The following CDKL5 variants were observed in gnomAD, a reference collection of about 807,000 sequenced individuals.
The protein encoded by CDKL5 is cyclin-dependent kinase-like 5.
A neutral mutation model predicts 61.7 loss-of-function variants in CDKL5; 8 were observed. That is an observed-to-expected ratio of 0.13 (90% CI 0.08 to 0.23). The LOEUF (loss-of-function observed/expected upper bound fraction) is 0.23. Ranked by LOEUF, CDKL5 falls within the 10% of genes least tolerant of loss-of-function variation. The pLI, the probability that CDKL5 is intolerant of heterozygous loss-of-function variation, is 1.00. For missense variants in CDKL5, 440 were observed against 734.5 expected, an observed-to-expected ratio of 0.60 and a Z score of 4.63; for synonymous variants, 275 against 272.3, an observed-to-expected ratio of 1.01 and a Z score of -0.10.
chrX:18,616,954 G>A (rs956726388), intron 15 of CDKL5, among the ~76,000 whole-genome samples: 42 of 110,498 alleles, frequency 3.8e-4, no homozygotes, highest in African/African-American at 1.1e-3. Flanking sequence ...ATGCTCCCCC[G>A]CCCCATTCCC....
At chrX:18,650,576 C>T (rs1423203693) in exon 21 of CDKL5, 1 of 1,210,768 alleles carries the variant, frequency 8.3e-7, no homozygotes, top group Admixed American at 2.2e-5. Flanking sequence ...CTTTCAGCTG[C>T]CCAACCCAGC....
chrX:18,597,940 A>T (rs1936002638), intron 10 of CDKL5, among the ~76,000 whole-genome samples: 1 of 110,882 alleles, frequency 9.0e-6, no homozygotes, highest in African/African-American at 3.3e-5. Flanking sequence ...AAGAAAGCTA[A>T]ATTCAGGCAA....
chrX:18,475,914 A>G (rs951063333), intron 1 of CDKL5, among the ~76,000 whole-genome samples: 1 of 112,369 alleles, frequency 8.9e-6, no homozygotes, highest in Non-Finnish European at 1.9e-5. Context: ...TGTTCTTACA[A>G]TGTATTTCCA....
At chrX:18,518,725 G>A (rs1429924199) in intron 3 of CDKL5, among the ~76,000 whole-genome samples, 1 of 109,923 alleles carries the variant, frequency 9.1e-6, no homozygotes, top group African/African-American at 3.3e-5. Context: ...CTGTTGTCAG[G>A]AAGTTTAACA....
At chrX:18,611,232 C>T (rs1051584144) in intron 14 of CDKL5, among the ~76,000 whole-genome samples, 2 of 110,018 alleles carry the variant, frequency 1.8e-5, no homozygotes, top group African/African-American at 6.6e-5. Context: ...AAATCGAGAC[C>T]ATCCTGGCTA....
intron 3 of CDKL5, among the ~76,000 whole-genome samples, chrX:18,555,323 AGAT>A (rs1344982919): frequency 1.8e-5 from 2 of 112,055 alleles, no homozygotes; most frequent in African/African-American, 6.5e-5. Context: ...TGTCAGATAC[AGAT>A]TGTATTTTTT....
intron 1 of CDKL5, among the ~76,000 whole-genome samples, chrX:18,485,479 G>GT (rs1345026346): frequency 1.8e-5 from 2 of 112,076 alleles, no homozygotes. Context: ...TTGTAAGGCA[G>GT]TTAGACCCCT....
rs1189760045 is a variant in CDKL5, at chrX:18,603,986, C to T, written c.1062C>T (p.Pro354=). The T allele has an allele frequency of 1.7e-6, 2 of 1,208,916 alleles. No homozygotes were observed. The highest frequency in any genetic ancestry group is 3.5e-5 in the African/African-American group (2 of 56,851). ...TCCAGAACCTGAGTGTAGGCCTGCC[C>T]CGGGCTGACGAAGGTCTCCCTGCCA... is the stretch of plus-strand genomic sequence containing the variant. The part of the protein sequence containing the change: ...KDIQNLSVGL[P]RADEGLPANE... Residue 354 remains proline, a synonymous_variant, in exon 12 of 18, where the codon CCC becomes CCT. Transcript: ENST00000623535.
At chrX:18,509,197 G>GCACACA (rs60516677) in intron 2 of CDKL5, among the ~76,000 whole-genome samples, 4,570 of 64,214 alleles carry the variant, frequency 0.071, 258 homozygotes, top group Middle Eastern at 0.084. Context: ...CTCAAAACAC[G>GCACACA]CACACACACA....
intron 8 of CDKL5, among the ~76,000 whole-genome samples, chrX:18,587,403 A>T (rs750427138): frequency 8.9e-6 from 1 of 111,752 alleles, no homozygotes; most frequent in East Asian, 2.8e-4. Context: ...TTATATTCAA[A>T]TAAATAATAT....
intron 11 of CDKL5, among the ~76,000 whole-genome samples, chrX:18,601,398 AT>A (rs1272134523): frequency 8.9e-6 from 1 of 112,640 alleles, no homozygotes. Flanking sequence ...CCATCCATCC[AT>A]CCATTCTGCA....
chrX:18,610,356 A>G (rs1329293274), intron 14 of CDKL5, among the ~76,000 whole-genome samples: 1 of 112,371 alleles, frequency 8.9e-6, no homozygotes, highest in African/African-American at 3.2e-5. Context: ...CCTCTTCAGT[A>G]TAATATCTTC....
chrX:18,581,134 G>T (rs1186039548), intron 6 of CDKL5, among the ~76,000 whole-genome samples: 2 of 111,663 alleles, frequency 1.8e-5, no homozygotes, highest in Non-Finnish European at 3.8e-5. Flanking sequence ...TAGAAACCAT[G>T]ATTTGAAATC....
chrX:18,590,510 G>A lies in CDKL5; in HGVS notation c.744+2367G>A, dbSNP rs185069384. ...ACTGCTCAAACCTGAGTGCCCAACC[G>A]TCCAGATCCTTCTAGGCTCAGTGAA... On this transcript the variant is annotated intron_variant, in intron 9 of 17. Transcript: ENST00000623535. Among the ~76,000 whole-genome samples, 8 of 111,969 alleles carry A rather than the reference G, an allele frequency of 7.1e-5. 1 individual carries two copies. Among genetic ancestry groups the A allele is most frequent in the Admixed American group, 6.6e-4 (7 of 10,536 alleles).
intron 3 of CDKL5, among the ~76,000 whole-genome samples, chrX:18,554,851 CTTCTTT>C (rs778748176): frequency 9.0e-6 from 1 of 111,351 alleles, no homozygotes; most frequent in East Asian, 2.8e-4. Flanking sequence ...ATCTTTTAAT[CTTCTTT>C]TTCAATTAAA....
chrX:18,572,416 A>G (rs1365110455), intron 4 of CDKL5, among the ~76,000 whole-genome samples: 3 of 112,188 alleles, frequency 2.7e-5, no homozygotes, highest in Non-Finnish European at 5.6e-5. Flanking sequence ...ACAAAGCATC[A>G]TAGTTTATGG....
intron 16 of CDKL5, among the ~76,000 whole-genome samples, chrX:18,622,159 C>T (rs1483927592): frequency 8.9e-6 from 1 of 112,055 alleles, no homozygotes; most frequent in Non-Finnish European, 1.9e-5. Flanking sequence ...CTTTATTATT[C>T]AGAATTTAGT....
intron 15 of CDKL5, 36 bp downstream of exon 15, chrX:18,613,311 T>G (rs777965469): frequency 1.7e-6 from 2 of 1,158,117 alleles, no homozygotes. Context: ...CTTCCTTTTT[T>G]TAATTGTAGA....
chrX:18,467,880 T>A (rs1443967862), intron 1 of CDKL5, among the ~76,000 whole-genome samples: 2 of 111,876 alleles, frequency 1.8e-5, no homozygotes, highest in Admixed American at 1.9e-4. Flanking sequence ...TTTTTTTTTG[T>A]CTTTCACTGC....
Sources: allele counts gnomAD v4.1 joint callset (sites outside exome capture counted in the v4.1 genomes callset), GRCh38; gene constraint gnomAD v4.1.1; transcripts MANE v1.5; gene names NCBI Gene and HGNC (gene_info 2026-07-23, HGNC 2026-07-21).